The following PICALM variants were observed in gnomAD, a reference collection of about 807,000 sequenced individuals.
PICALM encodes phosphatidylinositol binding clathrin assembly protein.
Under a neutral mutation model 80.5 loss-of-function variants are expected in PICALM, and 40 were observed. The observed-to-expected ratio is 0.50, with a 90% CI of 0.39 to 0.65. The LOEUF (loss-of-function observed/expected upper bound fraction) is 0.65. Among genes scored for constraint, PICALM ranks in the 30% least tolerant of loss-of-function variants. The pLI is 0.00. For synonymous variants in PICALM, 288 were observed against 260.3 expected, an observed-to-expected ratio of 1.11 and a Z score of -1.02; for missense variants, 676 against 778.9, an observed-to-expected ratio of 0.87 and a Z score of 1.57.
At position 86,001,069 on chromosome 11, in the gene PICALM, A is replaced by G; in HGVS notation, c.983T>C (p.Leu328Ser). The stretch of plus-strand genomic sequence containing the variant: ...TTTCAAACGTGCCTGTTCTTCCTCT[A>G]ATGCTGCCTGCTTTTCCCTTTCATC... ...KVDEREKQAA[L>S]EEEQARLKAL... Residue 328 changes from leucine to serine, a missense_variant, in exon 10 of 20, where the codon TTA becomes TCA. Around this residue, in one of 2 missense-constraint regions of PICALM, gnomAD observed 285 missense variants for 395.4 expected, o/e 0.72. Transcript: ENST00000393346. 2 of 1,614,146 alleles carry G rather than the reference A, an allele frequency of 1.2e-6. No individual in the cohort carries two copies. Among genetic ancestry groups the G allele is most frequent in the Non-Finnish European group, 1.7e-6 (2 of 1,179,990 alleles).
intron 1 of PICALM, among the ~76,000 whole-genome samples, chr11:86,044,929 A>G (rs573720578): frequency 8.5e-5 from 13 of 152,334 alleles, no homozygotes; most frequent in African/African-American, 2.4e-4. Flanking sequence ...ACTGTCTTCC[A>G]TGAAACCACT....
chr11:86,000,652 G>A lies in PICALM; in HGVS notation c.1145C>T (p.Ser382Phe), dbSNP rs267603226. ...PAIDIFSTPS[S>F]SNSTSKLPND... ...TAACTTCTACTCCTACCTGTTAGAA[G>A]AACTAGGGGTAGAAAATATGTCAAT... The change falls in exon 11 of 20, where the codon TCT becomes TTT. Residue 382 changes from serine (S) to phenylalanine (F), a missense_variant. Physicochemically the swap from Ser to Phe is radical, Grantham distance 155. Coordinates refer to ENST00000393346, the MANE Select transcript of PICALM (RefSeq NM_007166.4). 6.2e-7 allele frequency: 1 copy of A among 1,611,502 alleles called. No individual in the cohort carries two copies. The highest frequency in any genetic ancestry group is 1.3e-5 in the African/African-American group (1 of 74,826).
In PICALM at chr11:85,958,883, T is replaced by C; in HGVS notation, c.*163A>G. ...ATTGATACGTTCTCCTATAAACTAGTCCCAATTTCCTTCATGGGCCTTCAC... is the reference window on the plus strand; with the variant it reads ...ATTGATACGTTCTCCTATAAACTAGCCCCAATTTCCTTCATGGGCCTTCAC... On this transcript the variant is annotated 3_prime_UTR_variant, in exon 20 of 20. Coordinates refer to ENST00000393346, the MANE Select transcript of PICALM (RefSeq NM_007166.4). 1 of 555,188 alleles carries C rather than the reference T, an allele frequency of 1.8e-6. No homozygotes were observed. Among genetic ancestry groups the C allele is most frequent in the East Asian group, 2.8e-5 (1 of 35,740 alleles). 34.4% of individuals were successfully genotyped at this position (555,188 alleles called of 1,614,324 possible). A position where few individuals can be genotyped will look rare whatever the true frequency, so the allele number is the denominator to read the frequency against.
chr11:86,032,476 A>T (rs752361820), intron 1 of PICALM, among the ~76,000 whole-genome samples: 1 of 152,188 alleles, frequency 6.6e-6, no homozygotes, highest in East Asian at 1.9e-4. Context: ...TACCAAAAAC[A>T]TTAGCTGGGC....
intron 4 of PICALM, among the ~76,000 whole-genome samples, chr11:86,020,944 AT>A (rs2095553025): frequency 6.6e-6 from 1 of 152,242 alleles, no homozygotes; most frequent in African/African-American, 2.4e-5. Flanking sequence ...AAGACAAGCC[AT>A]GGGAGAAAAA....
In PICALM at chr11:86,068,987, C is replaced by T. The variant is rs993905881; in HGVS notation, c.-207G>A. ...TCACCCGCGGAGTCGGACAAGATGT[C>T]GGGCACTCCCTTGCCCCCGCCTCAG... is the stretch of plus-strand genomic sequence containing the variant. On this transcript the variant is annotated 5_prime_UTR_variant, in exon 1 of 20. Transcript: ENST00000393346. 1.7e-6 allele frequency: 1 copy of T among 601,100 alleles called. No homozygotes were observed. The highest frequency in any genetic ancestry group is 2.8e-6 in the Non-Finnish European group (1 of 352,806). 37.2% of individuals were successfully genotyped at this position (601,100 alleles called of 1,614,324 possible).
At chr11:86,025,231 C>T (rs1190337239) in intron 3 of PICALM, among the ~76,000 whole-genome samples, 1 of 152,124 alleles carries the variant, frequency 6.6e-6, no homozygotes, top group Non-Finnish European at 1.5e-5. Flanking sequence ...GAAACCCCAT[C>T]TCTACTAAAG....
chr11:86,052,146 G>A (rs75029358), intron 1 of PICALM, among the ~76,000 whole-genome samples: 6,239 of 152,216 alleles, frequency 0.041, 186 homozygotes, highest in African/African-American at 0.087. Flanking sequence ...GAATCATAGC[G>A]ACAGTTTCTC....
intron 7 of PICALM, among the ~76,000 whole-genome samples, chr11:86,009,072 G>A (rs2095339979): frequency 6.6e-6 from 1 of 151,286 alleles, no homozygotes; most frequent in East Asian, 1.9e-4. Flanking sequence ...TGGGAGGCCA[G>A]GGTGGGTTGA....
intron 19 of PICALM, among the ~76,000 whole-genome samples, chr11:85,969,259 C>T (rs985438214): frequency 1.3e-5 from 2 of 152,076 alleles, no homozygotes; most frequent in Non-Finnish European, 2.9e-5. Context: ...AGAGCTCTCT[C>T]AAAAATGTTA....
intron 1 of PICALM, among the ~76,000 whole-genome samples, chr11:86,056,135 TA>T (rs763444775): frequency 3.0e-4 from 35 of 117,376 alleles, no homozygotes; most frequent in Admixed American, 3.9e-4. Flanking sequence ...ACTCTGTCTT[TA>T]AAAAAAAAAA....
chr11:86,067,673 T>TAAG (rs2096465771), intron 1 of PICALM, among the ~76,000 whole-genome samples: 1 of 152,214 alleles, frequency 6.6e-6, no homozygotes, highest in Non-Finnish European at 1.5e-5. Context: ...GGGATGTATG[T>TAAG]TATTTGTAAG....
At chr11:85,981,642 T>C (rs2094446199) in intron 16 of PICALM, 103 bp downstream of exon 16, 2 of 792,376 alleles carry the variant, frequency 2.5e-6, no homozygotes, top group African/African-American at 1.8e-5. Context: ...TTGATATCTC[T>C]ACACATATTT....
chr11:86,036,295 T>C (rs1469127303), intron 1 of PICALM, among the ~76,000 whole-genome samples: 1 of 152,226 alleles, frequency 6.6e-6, no homozygotes, highest in Non-Finnish European at 1.5e-5. Context: ...GTCTTATTTC[T>C]TACTCCAATG....
intron 1 of PICALM, among the ~76,000 whole-genome samples, chr11:86,032,451 C>A (rs1186988131): frequency 6.6e-6 from 1 of 152,002 alleles, no homozygotes; most frequent in African/African-American, 2.4e-5. Flanking sequence ...GCTGAAACCC[C>A]ATCTTTACTA....
chr11:86,042,574 A>C (rs989078853), intron 1 of PICALM, among the ~76,000 whole-genome samples: 10 of 151,956 alleles, frequency 6.6e-5, no homozygotes, highest in Non-Finnish European at 1.3e-4. Flanking sequence ...TTAAGAACAA[A>C]TGCCAAAATT....
Position 85,957,358 on chromosome 11 carries a change from G to A in PICALM, c.*1688C>T, listed in dbSNP as rs2093564198. Among the ~76,000 whole-genome samples, 1 of 152,158 alleles carries A rather than the reference G, an allele frequency of 6.6e-6. No homozygotes were observed. Among genetic ancestry groups the A allele is most frequent in the African/African-American group, 2.4e-5 (1 of 41,440 alleles). Reference sequence around the variant, plus strand: ...AAATAGGCAATATGATACAATCAAAGGTTTCTTTGGCAGACATAATTATAT... The same window carrying A: ...AAATAGGCAATATGATACAATCAAAAGTTTCTTTGGCAGACATAATTATAT... On this transcript the variant is annotated 3_prime_UTR_variant, in exon 20 of 20. Coordinates refer to ENST00000393346, the MANE Select transcript of PICALM (RefSeq NM_007166.4).
At chr11:86,020,762 C>CA (rs915335459) in intron 4 of PICALM, among the ~76,000 whole-genome samples, 10 of 151,914 alleles carry the variant, frequency 6.6e-5, no homozygotes. Context: ...ACTATATGGG[C>CA]AAAAAATACA....
At chr11:86,065,034 G>C (rs572988707) in intron 1 of PICALM, among the ~76,000 whole-genome samples, 3 of 152,270 alleles carry the variant, frequency 2.0e-5, no homozygotes, top group African/African-American at 7.2e-5. Context: ...AGTGAGCCAT[G>C]ATCCTGCCAC....
Sources: gnomAD v4.1 joint callset for allele counts (sites outside exome capture counted in the v4.1 genomes callset) on GRCh38, gnomAD v4.1.1 for gene constraint, gnomAD v4.1.1 regional missense constraint, MANE v1.5 for transcripts, NCBI Gene and HGNC (gene_info 2026-07-23, HGNC 2026-07-21) for gene names.